WFDC10B: variants seen among roughly 807,000 people sequenced by gnomAD.
WFDC10B encodes WAP four-disulfide core domain 10B, also known as protein WFDC10B.
WFDC10B carries 1 observed loss-of-function variant against 2.7 expected under a neutral mutation model. That is an observed-to-expected ratio of 0.38 (90% CI 0.13 to 1.79). WFDC10B has a LOEUF of 1.79. Among genes scored for constraint, WFDC10B ranks in the 40% most tolerant of loss-of-function variants. The pLI, the probability that WFDC10B is intolerant of heterozygous loss-of-function variation, is 0.33. For synonymous variants in WFDC10B, 26 were observed against 32.2 expected, an observed-to-expected ratio of 0.81 and a Z score of 0.65; for missense variants, 71 against 87.8, an observed-to-expected ratio of 0.81 and a Z score of 0.76.
At chr20:45,692,829 G>A (rs1983858859) in intron 2 of WFDC10B, among the ~76,000 whole-genome samples, 1 of 152,176 alleles carries the variant, frequency 6.6e-6, no homozygotes, top group Admixed American at 6.5e-5. Context: ...CTCTCAACTT[G>A]TCAAAGTCAT....
chr20:45,685,687 G>T (rs1321358645), intron 3 of WFDC10B, among the ~76,000 whole-genome samples: 2 of 152,210 alleles, frequency 1.3e-5, no homozygotes, highest in Admixed American at 6.5e-5. Context: ...AACAACAAAA[G>T]ATGTAGGTTC....
At chr20:45,688,563 G>T (rs1983706233) in intron 2 of WFDC10B, among the ~76,000 whole-genome samples, 1 of 152,042 alleles carries the variant, frequency 6.6e-6, no homozygotes, top group Admixed American at 6.5e-5. Context: ...ATCCCATTGT[G>T]GTTTTGATTT....
At chr20:45,693,289 A>C (rs1479159626) in intron 2 of WFDC10B, among the ~76,000 whole-genome samples, 1 of 152,228 alleles carries the variant, frequency 6.6e-6, no homozygotes, top group Non-Finnish European at 1.5e-5. Flanking sequence ...TCAGGGACCC[A>C]CTTGAGGAGG....
chr20:45,697,379 A>ATTTT (rs869059383), intron 2 of WFDC10B, among the ~76,000 whole-genome samples: 4,929 of 113,764 alleles, frequency 0.043, 441 homozygotes, highest in East Asian at 0.23. Flanking sequence ...ACATCCCATC[A>ATTTT]TTTTTTTTTT....
At chr20:45,686,102 C>T (rs1208957943) in intron 2 of WFDC10B, 46 bp from the exon 3 acceptor site, 26 of 1,506,772 alleles carry the variant, frequency 1.7e-5, no homozygotes, top group South Asian at 4.0e-5. Flanking sequence ...TTCAGCTCCT[C>T]GCTGCCTCCA....
At chr20:45,697,133 A>G (rs1472071393) in intron 2 of WFDC10B, among the ~76,000 whole-genome samples, 2 of 152,228 alleles carry the variant, frequency 1.3e-5, no homozygotes, top group East Asian at 3.8e-4. Context: ...ATCAAGTAAT[A>G]AAAAGAAATA....
intron 2 of WFDC10B, among the ~76,000 whole-genome samples, chr20:45,697,440 A>C (rs1984012151): frequency 7.6e-6 from 1 of 132,106 alleles, no homozygotes; most frequent in Admixed American, 9.0e-5. Context: ...GCTGGAGTGC[A>C]GTGGCATGAT....
chr20:45,685,420 C>A (rs930746200), intron 3 of WFDC10B, among the ~76,000 whole-genome samples: 1 of 152,112 alleles, frequency 6.6e-6, no homozygotes. Context: ...TCGCTTCCCA[C>A]CACCACTCTC....
intron 2 of WFDC10B, among the ~76,000 whole-genome samples, chr20:45,693,499 C>T (rs1054332932): frequency 1.3e-5 from 2 of 152,224 alleles, no homozygotes; most frequent in African/African-American, 4.8e-5. Flanking sequence ...AGCTTCCCGG[C>T]TGCTTTGTTT....
In WFDC10B at chr20:45,703,341, A is replaced by G. The variant is rs113804944; in HGVS notation, c.-65+1156T>C. On this transcript the variant is annotated intron_variant, in intron 2 of 3. Coordinates refer to ENST00000330523, the MANE Select transcript of WFDC10B (RefSeq NM_172006.2). ...GTTATTGGTCTCTGTTAAATTGTCA[A>G]CAGCTTGAACCTCAGCTTCTTTTAC... Among the ~76,000 whole-genome samples the G allele has an allele frequency of 1.4e-4, 21 of 152,278 alleles. 1 individual carries two copies. The highest frequency in any genetic ancestry group is 5.1e-4 in the African/African-American group (21 of 41,568).
chr20:45,691,986 T>C (rs1372197714), intron 2 of WFDC10B, among the ~76,000 whole-genome samples: 3 of 152,214 alleles, frequency 2.0e-5, no homozygotes, highest in Non-Finnish European at 4.4e-5. Flanking sequence ...GGTTGTTCCT[T>C]TCCATGTTTA....
chr20:45,698,576 GAA>G (rs1037940667), intron 2 of WFDC10B, among the ~76,000 whole-genome samples: 1 of 106,386 alleles, frequency 9.4e-6, no homozygotes, highest in African/African-American at 3.5e-5. Flanking sequence ...GACTCAAGAA[GAA>G]AAAAAAAAAA....
chr20:45,698,583 A>G (rs1951429287), intron 2 of WFDC10B, among the ~76,000 whole-genome samples: 1 of 151,990 alleles, frequency 6.6e-6, no homozygotes. Flanking sequence ...GAAGAAAAAA[A>G]AAAAAAAACC....
intron 2 of WFDC10B, among the ~76,000 whole-genome samples, chr20:45,698,386 T>C (rs567314872): frequency 3.6e-4 from 54 of 152,104 alleles, no homozygotes; most frequent in African/African-American, 1.3e-3. Context: ...AATGGATTCT[T>C]AGAAAAGACA....
intron 2 of WFDC10B, among the ~76,000 whole-genome samples, chr20:45,692,666 T>G (rs1457655568): frequency 6.6e-6 from 1 of 152,254 alleles, no homozygotes; most frequent in Non-Finnish European, 1.5e-5. Context: ...TCTCGAGCCT[T>G]GGCTTTCAGC....
chr20:45,700,961 T>G (rs905279825), intron 2 of WFDC10B, among the ~76,000 whole-genome samples: 3 of 152,136 alleles, frequency 2.0e-5, no homozygotes, highest in Non-Finnish European at 2.9e-5. Flanking sequence ...TAGTTACAAA[T>G]TTGTGGAAAG....
At chr20:45,694,847 C>A (rs1478522424) in intron 2 of WFDC10B, among the ~76,000 whole-genome samples, 1 of 152,120 alleles carries the variant, frequency 6.6e-6, no homozygotes. Context: ...CCACTCTCCT[C>A]CAGGAAGTTA....
chr20:45,702,986 G>C (rs2145644262), intron 2 of WFDC10B, among the ~76,000 whole-genome samples: 1 of 152,280 alleles, frequency 6.6e-6, no homozygotes, highest in Non-Finnish European at 1.5e-5. Flanking sequence ...TTCAGAAAAG[G>C]CATGCAGGTT....
chr20:45,696,238 A>G (rs1983973267), intron 2 of WFDC10B, among the ~76,000 whole-genome samples: 1 of 148,722 alleles, frequency 6.7e-6, no homozygotes, highest in Admixed American at 6.8e-5. Flanking sequence ...GTGAGCCAAG[A>G]TCGCGCCACT....
Sources: allele counts gnomAD v4.1 joint callset (sites outside exome capture counted in the v4.1 genomes callset), GRCh38; gene constraint gnomAD v4.1.1; transcripts MANE v1.5; gene names NCBI Gene and HGNC (gene_info 2026-07-23, HGNC 2026-07-21).